Variants in KANSL3 observed in about 807,000 individuals in gnomAD.
KANSL3 encodes the protein NSL complex protein NSL3.
KANSL3 carries 16 observed loss-of-function variants against 89.2 expected under a neutral mutation model. That is an observed-to-expected ratio of 0.18 (90% CI 0.12 to 0.27). The LOEUF (loss-of-function observed/expected upper bound fraction) is 0.27. Among genes scored for constraint, KANSL3 ranks in the 10% least tolerant of loss-of-function variants. KANSL3 has a pLI of 1.00. For synonymous variants in KANSL3, 385 were observed against 419.7 expected (o/e 0.92, Z 1.01); for missense variants, 879 against 1,110.6 (o/e 0.79, Z 2.96).
At chr2:96,624,678 C>T (rs530965899) in intron 3 of KANSL3, among the ~76,000 whole-genome samples, 2 of 151,974 alleles carry the variant, frequency 1.3e-5, no homozygotes, top group East Asian at 1.9e-4. Flanking sequence ...CCCGCCACCA[C>T]GCCCAGCTAA....
At chr2:96,588,185 A>C (rs949704321), downstream of KANSL3, among the ~76,000 whole-genome samples, 1 of 152,142 alleles carries the variant, frequency 6.6e-6, no homozygotes, top group Non-Finnish European at 1.5e-5. Context: ...AAAAACCAAA[A>C]TCCATGTCAA....
At chr2:96,628,031 A>T in intron 3 of KANSL3, 1 of 1,290,434 alleles carries the variant, frequency 7.7e-7, no homozygotes. Context: ...GGATTACATC[A>T]ATCTGTGGCA....
Position 96,604,266 on chromosome 2 carries a change from A to G in KANSL3, c.2133T>C (p.Pro711=), listed in dbSNP as rs190284344. ...TLQSRLVATS[P]GSSLPGATSA... is the part of the protein sequence containing the mutation. Reference sequence around the variant, plus strand: ...ACAAGATACCTGGGAGGGAGCTGCCAGGAGATGTGGCCACCAGGCGGCTCT... The same window carrying G: ...ACAAGATACCTGGGAGGGAGCTGCCGGGAGATGTGGCCACCAGGCGGCTCT... Residue 711 remains proline (P), a synonymous_variant, in exon 17 of 21, where the codon CCT becomes CCC. Coordinates refer to ENST00000431828, the MANE Select transcript of KANSL3 (RefSeq NM_001115016.3). 1.9e-6 allele frequency: 3 copies of G among 1,609,346 alleles called. No homozygotes were observed. Among genetic ancestry groups the G allele is most frequent in the African/African-American group, 2.7e-5 (2 of 74,752 alleles).
At chr2:96,615,230 C>CTT (rs2069827479) in intron 5 of KANSL3, 3 of 149,582 alleles carry the variant, frequency 2.0e-5, no homozygotes, top group African/African-American at 7.7e-5. Context: ...TTATGGGTGA[C>CTT]TTTTTCCTTT....
At position 96,595,380 on chromosome 2, in the gene KANSL3, G is replaced by A. The variant is rs1324039255; in HGVS notation, c.*231C>T. ...TACAGCCAGATCTGCTGAGGAGTCT[G>A]GGGTTCCCAGGAACCAGATTTGCAG... On this transcript the variant is annotated 3_prime_UTR_variant, in exon 21 of 21. Coordinates refer to ENST00000431828, the MANE Select transcript of KANSL3 (RefSeq NM_001115016.3). The A allele has an allele frequency of 5.7e-6, 3 of 524,316 alleles. No individual in the cohort carries two copies. The East Asian group carries it at 9.4e-5, about 16-fold the overall frequency. 32.5% of individuals were successfully genotyped at this position (524,316 alleles called of 1,614,324 possible).
chr2:96,626,580 T>C (rs974249245), intron 3 of KANSL3, among the ~76,000 whole-genome samples: 1 of 152,200 alleles, frequency 6.6e-6, no homozygotes, highest in Non-Finnish European at 1.5e-5. Context: ...CACTAAAATG[T>C]TGGAAATGTC....
At chr2:96,627,040 G>C (rs1342425611) in intron 3 of KANSL3, among the ~76,000 whole-genome samples, 1 of 152,194 alleles carries the variant, frequency 6.6e-6, no homozygotes, top group Admixed American at 6.5e-5. Context: ...ATTTAAAAAT[G>C]TAAAAATCAT....
intron 20 of KANSL3, chr2:96,601,277 A>G: frequency 1.2e-5 from 12 of 979,266 alleles, no homozygotes; most frequent in Non-Finnish European, 1.5e-5. Flanking sequence ...CAAAAAATAA[A>G]AATAAAAACA....
chr2:96,590,241 A>G (rs2066263321), downstream of KANSL3, among the ~76,000 whole-genome samples: 2 of 152,182 alleles, frequency 1.3e-5, no homozygotes, highest in African/African-American at 2.4e-5. Flanking sequence ...TCTCGCATAC[A>G]CTGCTGATAG....
chr2:96,626,267 T>TG (rs2072285884), intron 3 of KANSL3, among the ~76,000 whole-genome samples: 1 of 148,674 alleles, frequency 6.7e-6, no homozygotes, highest in African/African-American at 2.5e-5. Context: ...GTACATCAGA[T>TG]AAACTCAACA....
At chr2:96,628,676 A>C (rs889406587) in intron 3 of KANSL3, 5 of 152,752 alleles carry the variant, frequency 3.3e-5, no homozygotes, top group Non-Finnish European at 7.3e-5. Flanking sequence ...AAAAAGAAAC[A>C]AACTGGTATT....
At chr2:96,627,364 GCCA>G (rs2072537142) in intron 3 of KANSL3, among the ~76,000 whole-genome samples, 1 of 152,056 alleles carries the variant, frequency 6.6e-6, no homozygotes, top group South Asian at 2.1e-4. Context: ...ACAGGCGTTT[GCCA>G]CCACACCAGC....
chr2:96,602,045 CAT>C, intron 19 of KANSL3, 69 bp downstream of exon 19: 1 of 1,430,664 alleles, frequency 7.0e-7, no homozygotes, highest in Non-Finnish European at 9.5e-7. Context: ...ACCTTGCCCA[CAT>C]GAGATGGGAA....
intron 20 of KANSL3, chr2:96,600,530 T>C: frequency 1.0e-6 from 1 of 985,420 alleles, no homozygotes. Flanking sequence ...AGAAGAGCTT[T>C]TAGAATGGCT....
chr2:96,595,927 C>T (rs562111264), intron 20 of KANSL3, among the ~76,000 whole-genome samples: 1 of 152,018 alleles, frequency 6.6e-6, no homozygotes, highest in Non-Finnish European at 1.5e-5. Context: ...CCAGGGTCAC[C>T]GTAAGGATTA....
Position 96,593,266 on chromosome 2 carries a change from G to C in KANSL3, c.*2345C>G, listed in dbSNP as rs2066335550. On this transcript the variant is annotated 3_prime_UTR_variant, in exon 21 of 21. Transcript: ENST00000431828. Reference sequence around the variant, plus strand: ...ACCCATCCAGCCCAAGACTGTTCTAGTGGTGAAACCAAGAGTAGACAGGTC... The same window carrying C: ...ACCCATCCAGCCCAAGACTGTTCTACTGGTGAAACCAAGAGTAGACAGGTC... 2.2e-6 allele frequency: 1 copy of C among 455,982 alleles called. No individual in the cohort carries two copies. Among genetic ancestry groups the C allele is most frequent in the African/African-American group, 2.0e-5 (1 of 50,070 alleles). 28.2% of individuals were successfully genotyped at this position (455,982 alleles called of 1,614,324 possible).
intron 3 of KANSL3, among the ~76,000 whole-genome samples, chr2:96,629,477 C>T (rs560703160): frequency 6.6e-6 from 1 of 152,270 alleles, no homozygotes; most frequent in South Asian, 2.1e-4. Context: ...CATGCGCCAC[C>T]ACACCCAGCT....
At chr2:96,629,715 G>A (rs190384093) in intron 3 of KANSL3, among the ~76,000 whole-genome samples, 3 of 152,310 alleles carry the variant, frequency 2.0e-5, no homozygotes, top group Admixed American at 2.0e-4. Flanking sequence ...AACAGCTGCT[G>A]TTTTGATCAC....
At chr2:96,610,931 C>A in intron 10 of KANSL3, 48 bp from the exon 11 acceptor site, 1 of 1,603,600 alleles carries the variant, frequency 6.2e-7, no homozygotes, top group Non-Finnish European at 8.5e-7. Flanking sequence ...ATTCACAAAG[C>A]ACTGACCCAG....
Sources: gnomAD v4.1 joint callset for allele counts (sites outside exome capture counted in the v4.1 genomes callset) on GRCh38, gnomAD v4.1.1 for gene constraint, MANE v1.5 for transcripts, NCBI Gene and HGNC (gene_info 2026-07-23, HGNC 2026-07-21) for gene names.